SLC25A53: variants seen among roughly 807,000 people sequenced by gnomAD.
The protein encoded by SLC25A53 is mitochondrial carrier triple repeat protein 6.
Under a neutral mutation model 15.0 loss-of-function variants are expected in SLC25A53, and 5 were observed. That is an observed-to-expected ratio of 0.33 (90% confidence interval 0.17 to 0.70). The LOEUF (loss-of-function observed/expected upper bound fraction) is 0.70, where lower values mean the gene tolerates loss of function less well. Ranked by LOEUF, SLC25A53 falls within the 30% of genes least tolerant of loss-of-function variation. The pLI is 0.67. For missense variants in SLC25A53, 216 were observed against 241.6 expected (o/e 0.89, Z 0.70); for synonymous variants, 95 against 100.0 (o/e 0.95, Z 0.30).
chrX:104,121,100 AAG>A (rs2075391631), intron 1 of SLC25A53, among the ~76,000 whole-genome samples: 1 of 112,076 alleles, frequency 8.9e-6, no homozygotes, highest in Non-Finnish European at 1.9e-5. Context: ...CTATGTCTGT[AAG>A]AGAGATTCAC....
At chrX:104,114,369 G>C in intron 1 of SLC25A53, 1 of 1,211,896 alleles carries the variant, frequency 8.3e-7, no homozygotes, top group Non-Finnish European at 1.1e-6. Flanking sequence ...TCAAGCGCTT[G>C]ATGAAAACAC....
At chrX:104,110,287 A>T (rs1390132369) in intron 1 of SLC25A53, among the ~76,000 whole-genome samples, 4 of 111,677 alleles carry the variant, frequency 3.6e-5, no homozygotes, top group Non-Finnish European at 5.6e-5. Flanking sequence ...ACCTAAGAGC[A>T]ACTGCCAGCA....
chrX:104,152,718 G>A (rs1393907014), intron 1 of SLC25A53, among the ~76,000 whole-genome samples: 7 of 111,797 alleles, frequency 6.3e-5, no homozygotes, highest in South Asian at 3.8e-4. Context: ...GATTACAGGC[G>A]TGAGCCACCG....
rs2075302038 is a variant in SLC25A53, at chrX:104,105,114, G to A, written c.144C>T (p.Ile48=). The part of the protein sequence containing the change: ...NFMSTFLTFP[I]YKVVFRQQIH... ...TCTGTTGCCGGAACACAACCTTATA[G>A]ATAGGAAAGGTCAGAAAAGTAGACA... Residue 48 remains isoleucine (I), a synonymous_variant, in exon 2 of 2, where the codon ATC becomes ATT. Transcript: ENST00000594199. 1 of 1,212,131 alleles carries A rather than the reference G, an allele frequency of 8.2e-7. No individual in the cohort carries two copies. The highest frequency in any genetic ancestry group is 1.1e-6 in the Non-Finnish European group (1 of 895,608).
intron 1 of SLC25A53, among the ~76,000 whole-genome samples, chrX:104,126,114 C>T (rs782059407): frequency 9.1e-6 from 1 of 109,968 alleles, no homozygotes; most frequent in Admixed American, 9.7e-5. Flanking sequence ...TGAGACCAGC[C>T]TAGGTAACAT....
chrX:104,142,508 G>A (rs1556367768), intron 1 of SLC25A53, among the ~76,000 whole-genome samples: 1 of 111,688 alleles, frequency 9.0e-6, no homozygotes, highest in African/African-American at 3.3e-5. Context: ...AAGCAAAGTA[G>A]AAATCGTTTT....
chrX:104,113,734 G>T (rs2075361422), intron 1 of SLC25A53: 3 of 171,306 alleles, frequency 1.8e-5, no homozygotes, highest in Non-Finnish European at 3.3e-5. Flanking sequence ...ATGTCATCTA[G>T]AATTAGAAGC....
rs1556353004 is a variant in SLC25A53 at position 104,102,367 on chromosome X, T to C, written c.*1967A>G. The C allele has an allele frequency of 8.9e-6, 1 of 112,545 alleles. No individual in the cohort carries two copies. Among genetic ancestry groups the C allele is most frequent in the African/African-American group, 3.2e-5 (1 of 30,960 alleles). The allele number at this position is 112,545 out of a possible 1,213,427, so 9.3% of individuals were successfully genotyped here. A position where few individuals can be genotyped will look rare whatever the true frequency, so the allele number is the denominator to read the frequency against. Reference sequence around the variant, plus strand: ...TGAAACAAATGGTACAGTTGTACAGTGTGATTCTGTTTGTGAAATTTCAGT... The same window carrying C: ...TGAAACAAATGGTACAGTTGTACAGCGTGATTCTGTTTGTGAAATTTCAGT... On this transcript the variant is annotated 3_prime_UTR_variant, in exon 2 of 2. Transcript: ENST00000594199.
chrX:104,142,920 CAAAAAAAAAA>C (rs1216011123), intron 1 of SLC25A53, among the ~76,000 whole-genome samples: 1 of 33,968 alleles, frequency 2.9e-5, no homozygotes, highest in Non-Finnish European at 5.7e-5. Context: ...GACTCCATCT[CAAAAAAAAAA>C]AAAAAAAAAA....
At chrX:104,152,385 T>A (rs1332441568) in intron 1 of SLC25A53, among the ~76,000 whole-genome samples, 1 of 109,251 alleles carries the variant, frequency 9.2e-6, no homozygotes, top group Non-Finnish European at 1.9e-5. Flanking sequence ...GCTTCATCCA[T>A]GTCCCTACAA....
rs370850875 is a variant in SLC25A53 at position 104,110,585 on chromosome X, A to G, written c.-31-5297T>C. On this transcript the variant is annotated intron_variant, in intron 1 of 1. Transcript: ENST00000594199. ...TTCTAAACATCAGGAGTCAAGAACA[A>G]GCCCCACAGAAGCCTCCTAGCCACA... 1.2e-4 allele frequency among the ~76,000 whole-genome samples: 13 copies of G among 112,297 alleles called. No homozygotes were observed. In the South Asian group the frequency reaches 1.5e-3, roughly 13 times the overall value.
intron 1 of SLC25A53, among the ~76,000 whole-genome samples, chrX:104,155,119 C>T (rs1465377461): frequency 9.1e-6 from 1 of 110,176 alleles, no homozygotes; most frequent in Non-Finnish European, 1.9e-5. Context: ...TTCAGACATG[C>T]CTGACGTTTA....
chrX:104,152,190 T>C (rs1173185690), intron 1 of SLC25A53, among the ~76,000 whole-genome samples: 4 of 106,761 alleles, frequency 3.7e-5, no homozygotes, highest in African/African-American at 1.4e-4. Flanking sequence ...ACTCGTCATT[T>C]AGCATTAGGT....
chrX:104,104,732 G>A lies in SLC25A53; in HGVS notation c.526C>T (p.Arg176Cys). Residue 176 changes from arginine to cysteine, a missense_variant, in exon 2 of 2, where the codon CGT becomes TGT. By Grantham distance (180) the Arg-to-Cys change is radical. Coordinates refer to ENST00000594199, the MANE Select transcript of SLC25A53 (RefSeq NM_001012755.5). The part of the protein sequence containing the change: ...LWGRLSLGYY[R>C]GFWPVLARNS... ...CTGGCCAGGACAGGCCAGAAACCAC[G>A]ATAGTAGCCCAGTGACAGCCGCCCC... The A allele has an allele frequency of 1.7e-6, 2 of 1,211,725 alleles. No homozygotes were observed. Among genetic ancestry groups the A allele is most frequent in the Non-Finnish European group, 1.1e-6 (1 of 895,536 alleles).
intron 1 of SLC25A53, chrX:104,114,782 A>C: frequency 8.3e-7 from 1 of 1,211,761 alleles, no homozygotes; most frequent in African/African-American, 1.7e-5. Flanking sequence ...GATTGGGATG[A>C]TGCTTTTATT....
intron 1 of SLC25A53, among the ~76,000 whole-genome samples, chrX:104,147,457 A>C (rs1213881692): frequency 9.1e-6 from 1 of 110,383 alleles, no homozygotes; most frequent in African/African-American, 3.3e-5. Context: ...AATGGGATCT[A>C]ATTTAACTAA....
intron 1 of SLC25A53, among the ~76,000 whole-genome samples, chrX:104,129,912 G>C: frequency 9.6e-6 from 1 of 103,820 alleles, no homozygotes; most frequent in South Asian, 4.4e-4. Context: ...CAAATGATGA[G>C]CAGACACTGT....
chrX:104,138,762 C>T (rs1466633486), intron 1 of SLC25A53, among the ~76,000 whole-genome samples: 1 of 111,890 alleles, frequency 8.9e-6, no homozygotes, highest in Non-Finnish European at 1.9e-5. Flanking sequence ...CTGCTTGCGG[C>T]CCAGGTTTTT....
intron 1 of SLC25A53, among the ~76,000 whole-genome samples, chrX:104,109,109 A>AGGTAG (rs2075326313): frequency 8.9e-6 from 1 of 111,962 alleles, no homozygotes; most frequent in Non-Finnish European, 1.9e-5. Flanking sequence ...TAGGGGAGTG[A>AGGTAG]GGGCAAGCAT....
Sources: allele counts gnomAD v4.1 joint callset (sites outside exome capture counted in the v4.1 genomes callset), GRCh38; gene constraint gnomAD v4.1.1; transcripts MANE v1.5; gene names NCBI Gene and HGNC (gene_info 2026-07-23, HGNC 2026-07-21).